Variants in CADM2 observed in about 807,000 individuals in gnomAD.
CADM2 encodes the protein immunoglobulin superfamily member 4D.
CADM2 carries 12 observed loss-of-function variants against 49.8 expected under a neutral mutation model. The ratio of observed to expected loss-of-function variants is 0.24; its 90% CI spans 0.15 to 0.39. CADM2 has a LOEUF of 0.39. Among genes scored for constraint, CADM2 ranks in the 10% least tolerant of loss-of-function variants. The probability of loss-of-function intolerance (pLI) is 1.00; values close to 1 mark genes in which losing one functional copy is unlikely to be tolerated. For synonymous variants in CADM2, 214 were observed against 175.4 expected (o/e 1.22, Z -1.74); for missense variants, 378 against 492.3 (o/e 0.77, Z 2.20).
At chr3:85,291,648 A>G (rs1315151879) in intron 1 of CADM2, among the ~76,000 whole-genome samples, 8 of 147,452 alleles carry the variant, frequency 5.4e-5, no homozygotes, top group East Asian at 3.9e-4. Context: ...ATTCTTAAAG[A>G]AAAGAATTTT....
intron 1 of CADM2, among the ~76,000 whole-genome samples, chr3:85,536,068 C>G (rs1195170999): frequency 1.3e-5 from 2 of 151,576 alleles, no homozygotes; most frequent in South Asian, 2.1e-4. Flanking sequence ...GATTCACAGA[C>G]CAGTAGGAAG....
intron 2 of CADM2, among the ~76,000 whole-genome samples, chr3:85,751,034 A>T (rs940234100): frequency 6.6e-6 from 1 of 152,154 alleles, no homozygotes; most frequent in African/African-American, 2.4e-5. Context: ...CATTTTGAAA[A>T]GTAATTACCC....
chr3:85,433,066 T>C (rs1357422524), intron 1 of CADM2, among the ~76,000 whole-genome samples: 1 of 152,106 alleles, frequency 6.6e-6, no homozygotes, highest in East Asian at 1.9e-4. Context: ...TATTTAAGAA[T>C]TTATACATGT....
intron 6 of CADM2, 135 bp downstream of exon 6, chr3:85,912,678 TCAC>T: frequency 1.3e-6 from 1 of 778,070 alleles, no homozygotes; most frequent in Non-Finnish European, 2.1e-6. Context: ...AAAACTACAT[TCAC>T]TAGTATTAAT....
chr3:85,739,545 A>G (rs927108039), intron 2 of CADM2, among the ~76,000 whole-genome samples: 1 of 152,130 alleles, frequency 6.6e-6, no homozygotes, highest in Non-Finnish European at 1.5e-5. Flanking sequence ...ACTTAAGGGG[A>G]ATAATAATGT....
chr3:85,555,030 C>T (rs1281795958), intron 1 of CADM2, among the ~76,000 whole-genome samples: 1 of 151,312 alleles, frequency 6.6e-6, no homozygotes, highest in African/African-American at 2.4e-5. Context: ...AACATCATTT[C>T]TAACCACTGT....
At chr3:85,568,578 C>T (rs1293514970) in intron 1 of CADM2, among the ~76,000 whole-genome samples, 1 of 139,184 alleles carries the variant, frequency 7.2e-6, no homozygotes, top group Non-Finnish European at 1.5e-5. Context: ...TTCCTTCCTT[C>T]TTTCTTTCTT....
chr3:85,738,968 C>T (rs1375480353), intron 2 of CADM2, among the ~76,000 whole-genome samples: 2 of 151,936 alleles, frequency 1.3e-5, no homozygotes, highest in Non-Finnish European at 1.5e-5. Context: ...AAATTGATTC[C>T]ACCACTTAAC....
intron 1 of CADM2, among the ~76,000 whole-genome samples, chr3:85,004,097 C>T (rs2033607046): frequency 6.6e-6 from 1 of 152,068 alleles, no homozygotes; most frequent in Non-Finnish European, 1.5e-5. Context: ...AAAACAATAT[C>T]TTACATGATT....
At chr3:85,211,573 A>G (rs1472312691) in intron 1 of CADM2, among the ~76,000 whole-genome samples, 2 of 152,184 alleles carry the variant, frequency 1.3e-5, no homozygotes, top group East Asian at 3.9e-4. Context: ...ACTAATTTCC[A>G]TATGTATGTA....
intron 1 of CADM2, among the ~76,000 whole-genome samples, chr3:85,545,784 A>G (rs2061656509): frequency 6.6e-6 from 1 of 152,096 alleles, no homozygotes; most frequent in Admixed American, 6.6e-5. Flanking sequence ...ATTTTTTCCC[A>G]TTCACCTTCT....
rs397962829 is a variant in CADM2, at chr3:85,365,199, CTTTT to C, written c.62-361311_62-361308del. On this transcript the variant is annotated intron_variant, in intron 1 of 9. Coordinates refer to ENST00000383699, the MANE Select transcript of CADM2 (RefSeq NM_001167675.2). ...TTGGGAGGGTTTTTTTTTTTTTTTA[CTTTT>C]TTTTTTTTTTTAGATAATTCCCTGT... Among the ~76,000 whole-genome samples, 2 of 104,714 alleles carry C rather than the reference CTTTT, an allele frequency of 1.9e-5. 1 individual carries two copies. Among genetic ancestry groups the C allele is most frequent in the Non-Finnish European group, 3.6e-5 (2 of 55,724 alleles). 68.7% of individuals were successfully genotyped at this position (104,714 alleles called of 152,430 possible). A position where few individuals can be genotyped will look rare whatever the true frequency, so the allele number is the denominator to read the frequency against.
In CADM2 at chr3:85,269,538, C is replaced by G. The variant is rs1453913695; in HGVS notation, c.61+309870C>G. 2.6e-5 allele frequency among the ~76,000 whole-genome samples: 4 copies of G among 151,458 alleles called. No homozygotes were observed. The East Asian group carries it at 7.8e-4, about 29-fold the overall frequency. ...GTGTTTAAAAAATGACTCACAAACT[C>G]TAAGTTCCTTCCATTAGGATCCCTT... On this transcript the variant is annotated intron_variant, in intron 1 of 9. Coordinates refer to ENST00000383699, the MANE Select transcript of CADM2 (RefSeq NM_001167675.2).
At chr3:85,518,606 C>T (rs1054046951) in intron 1 of CADM2, among the ~76,000 whole-genome samples, 5 of 152,160 alleles carry the variant, frequency 3.3e-5, no homozygotes, top group African/African-American at 9.6e-5. Context: ...CGTGGGGCCA[C>T]GCTTCCTCTG....
intron 1 of CADM2, among the ~76,000 whole-genome samples, chr3:85,345,366 A>G (rs2030514381): frequency 6.6e-6 from 1 of 151,734 alleles, no homozygotes; most frequent in African/African-American, 2.4e-5. Context: ...ATCAAAAATA[A>G]AAATGGAAAT....
rs1215815942 is a variant in CADM2, at chr3:85,568,456, T to A, written c.62-158066T>A. Reference sequence around the variant, plus strand: ...CTTTCTTTCTTTCTTTCTTTCTTTCTTTCTTTCTCTTTCTCTCTCTTTCTT... The same window carrying A: ...CTTTCTTTCTTTCTTTCTTTCTTTCATTCTTTCTCTTTCTCTCTCTTTCTT... On this transcript the variant is annotated intron_variant, in intron 1 of 9. Coordinates refer to ENST00000383699, the MANE Select transcript of CADM2 (RefSeq NM_001167675.2). Among the ~76,000 whole-genome samples the A allele has an allele frequency of 4.4e-4, 17 of 38,378 alleles. 2 individuals are homozygous for A. Among genetic ancestry groups the A allele is most frequent in the South Asian group, 1.7e-3 (2 of 1,148 alleles). 25.2% of individuals were successfully genotyped at this position (38,378 alleles called of 152,430 possible).
chr3:85,440,255 G>A (rs1033927381), intron 1 of CADM2, among the ~76,000 whole-genome samples: 3 of 152,080 alleles, frequency 2.0e-5, no homozygotes, highest in African/African-American at 4.8e-5. Context: ...ATTAGGAAAC[G>A]TGATTACTAC....
chr3:85,960,486 G>A (rs1577786897), intron 7 of CADM2, among the ~76,000 whole-genome samples: 1 of 151,946 alleles, frequency 6.6e-6, no homozygotes, highest in East Asian at 2.0e-4. Flanking sequence ...ATCAACTATA[G>A]AGGAAGACCA....
At chr3:85,876,571 C>T in intron 3 of CADM2, among the ~76,000 whole-genome samples, 1 of 152,050 alleles carries the variant, frequency 6.6e-6, no homozygotes, top group Non-Finnish European at 1.5e-5. Context: ...AAAAGTGACT[C>T]ACAATGGAAT....
Sources: allele counts gnomAD v4.1 joint callset (sites outside exome capture counted in the v4.1 genomes callset), GRCh38; gene constraint gnomAD v4.1.1; transcripts MANE v1.5; gene names NCBI Gene and HGNC (gene_info 2026-07-23, HGNC 2026-07-21).